TENM3: variants seen among roughly 807,000 people sequenced by gnomAD.
TENM3 encodes the protein teneurin-3.
Under a neutral mutation model 255.1 loss-of-function variants are expected in TENM3, and 63 were observed. The ratio of observed to expected loss-of-function variants is 0.25; its 90% CI spans 0.20 to 0.30. TENM3 has a LOEUF of 0.30. TENM3 is among the 10% of genes least tolerant of loss of function. The probability of loss-of-function intolerance (pLI) is 1.00; values close to 1 mark genes in which losing one functional copy is unlikely to be tolerated. For synonymous variants in TENM3, 1,306 were observed against 1,322.3 expected, an observed-to-expected ratio of 0.99 and a Z score of 0.27; for missense variants, 2,929 against 3,461.1, an observed-to-expected ratio of 0.85 and a Z score of 3.86.
chr4:181,495,199 T>C, the TENM3 span, among the ~76,000 whole-genome samples: 1 of 152,282 alleles, frequency 6.6e-6, no homozygotes, highest in African/African-American at 2.4e-5. Flanking sequence ...CCACTTTCCT[T>C]CAATGCAGAT....
the TENM3 span, among the ~76,000 whole-genome samples, chr4:181,939,006 T>C: frequency 6.6e-6 from 1 of 152,200 alleles, no homozygotes; most frequent in Admixed American, 6.5e-5. Flanking sequence ...TCAGTCTGCA[T>C]TTTTAGAACA....
At chr4:182,031,984 C>A in the TENM3 span, among the ~76,000 whole-genome samples, 16 of 152,158 alleles carry the variant, frequency 1.1e-4, no homozygotes, top group Non-Finnish European at 1.9e-4. Context: ...GATATAGGAT[C>A]ATGTCATCTG....
chr4:181,627,050 A>G, the TENM3 span, among the ~76,000 whole-genome samples: 1 of 152,196 alleles, frequency 6.6e-6, no homozygotes, highest in Non-Finnish European at 1.5e-5. Flanking sequence ...CAGGAGAAAC[A>G]TGGAGATCTT....
chr4:182,137,577 G>A, the TENM3 span, among the ~76,000 whole-genome samples: 1 of 152,134 alleles, frequency 6.6e-6, no homozygotes, highest in Non-Finnish European at 1.5e-5. Context: ...TGGGATGGGG[G>A]ATTAAAAAAT....
At chr4:181,911,823 A>C in the TENM3 span, among the ~76,000 whole-genome samples, 34 of 152,374 alleles carry the variant, frequency 2.2e-4, no homozygotes, top group African/African-American at 7.0e-4. Context: ...AGCCATTAAA[A>C]TGGGCAGAAA....
the TENM3 span, among the ~76,000 whole-genome samples, chr4:181,449,412 AG>A: frequency 6.6e-6 from 1 of 152,206 alleles, no homozygotes; most frequent in African/African-American, 2.4e-5. Flanking sequence ...TCAAAAAGGA[AG>A]GGGGAGAAAA....
chr4:181,892,391 G>C, the TENM3 span, among the ~76,000 whole-genome samples: 5 of 152,068 alleles, frequency 3.3e-5, no homozygotes, highest in African/African-American at 1.2e-4. Flanking sequence ...AGACTACCTA[G>C]TTTCTGAGTG....
At chr4:182,119,775 A>C in the TENM3 span, among the ~76,000 whole-genome samples, 1 of 152,168 alleles carries the variant, frequency 6.6e-6, no homozygotes, top group South Asian at 2.1e-4. Flanking sequence ...GACATGACCA[A>C]GGCTCCCTGC....
At chr4:182,098,520 C>T in the TENM3 span, among the ~76,000 whole-genome samples, 5 of 152,090 alleles carry the variant, frequency 3.3e-5, no homozygotes, top group Admixed American at 6.6e-5. Context: ...GAATGAAATC[C>T]GGTCATTTGC....
intron 1 of TENM3, among the ~76,000 whole-genome samples, chr4:182,211,564 T>G (rs1295980925): frequency 1.3e-5 from 2 of 152,180 alleles, no homozygotes; most frequent in Non-Finnish European, 2.9e-5. Context: ...CACGTAAGAC[T>G]TCGTAGGCTG....
At chr4:182,533,087 A>G (rs1442855491) in intron 3 of TENM3, among the ~76,000 whole-genome samples, 2 of 152,212 alleles carry the variant, frequency 1.3e-5, no homozygotes, top group African/African-American at 4.8e-5. Context: ...GTTGTGCCTC[A>G]TGGCATTGTA....
intron 19 of TENM3, 48 bp downstream of exon 19, chr4:182,743,467 CT>C: frequency 6.3e-7 from 1 of 1,584,578 alleles, no homozygotes; most frequent in Non-Finnish European, 8.6e-7. Context: ...AAACGTGCCT[CT>C]TTAAAAAAAA....
At chr4:182,263,499 G>A (rs1759009556) in intron 1 of TENM3, among the ~76,000 whole-genome samples, 1 of 152,166 alleles carries the variant, frequency 6.6e-6, no homozygotes, top group African/African-American at 2.4e-5. Context: ...GATGTTAACT[G>A]CTGTTCTCTT....
chr4:182,439,548 G>T (rs1214333396), intron 3 of TENM3, among the ~76,000 whole-genome samples: 1 of 152,168 alleles, frequency 6.6e-6, no homozygotes, highest in Non-Finnish European at 1.5e-5. Context: ...GGTGTTTCAG[G>T]CACATAATAG....
chr4:181,622,386 T>G, the TENM3 span, among the ~76,000 whole-genome samples: 4 of 152,120 alleles, frequency 2.6e-5, no homozygotes, highest in Non-Finnish European at 5.9e-5. Context: ...TAATAAATAC[T>G]ATAACTAGGC....
chr4:181,526,405 G>A, the TENM3 span, among the ~76,000 whole-genome samples: 5 of 152,006 alleles, frequency 3.3e-5, no homozygotes, highest in Non-Finnish European at 7.4e-5. Context: ...TTTTTCCTTC[G>A]AGTATAAATT....
chr4:181,771,415 C>G, the TENM3 span, among the ~76,000 whole-genome samples: 1 of 152,164 alleles, frequency 6.6e-6, no homozygotes, highest in Admixed American at 6.5e-5. Context: ...AGACCAGTGG[C>G]TGCCAAGGGT....
At chr4:182,173,028 G>A (rs1752209485) in intron 1 of TENM3, among the ~76,000 whole-genome samples, 1 of 152,112 alleles carries the variant, frequency 6.6e-6, no homozygotes, top group Non-Finnish European at 1.5e-5. Flanking sequence ...ATCCCATGAA[G>A]ATTACTAGAT....
At chr4:181,585,407 G>C in the TENM3 span, among the ~76,000 whole-genome samples, 2 of 152,136 alleles carry the variant, frequency 1.3e-5, no homozygotes, top group Non-Finnish European at 2.9e-5. Context: ...AAAATGTTTG[G>C]AGGAAAGGGA....
Sources: gnomAD v4.1 joint callset for allele counts (sites outside exome capture counted in the v4.1 genomes callset) on GRCh38, gnomAD v4.1.1 for gene constraint, MANE v1.5 for transcripts, NCBI Gene and HGNC (gene_info 2026-07-23, HGNC 2026-07-21) for gene names.